The following ROS1 variants were observed in gnomAD, a reference collection of about 807,000 sequenced individuals.
ROS1 encodes the protein ROS proto-oncogene 1, receptor tyrosine kinase, also known as proto-oncogene tyrosine-protein kinase ROS.
ROS1 carries 263 observed loss-of-function variants against 273.5 expected under a neutral mutation model. That is an observed-to-expected ratio of 0.96 (90% CI 0.87 to 1.06). ROS1 has a LOEUF of 1.06. ROS1 is among the 50% of genes least tolerant of loss of function. The pLI is 0.00. For synonymous variants in ROS1, 1,008 were observed against 954.1 expected (o/e 1.06, Z -1.04); for missense variants, 2,833 against 2,751.1 (o/e 1.03, Z -0.67).
rs148214833 is a variant in ROS1 at position 117,385,859 on chromosome 6, T to C, written c.2113A>G (p.Met705Val). 8.9e-5 allele frequency: 143 copies of C among 1,613,350 alleles called. No homozygotes were observed. In the African/African-American group the frequency reaches 1.8e-3, roughly 21 times the overall value. Residue 705 changes from methionine to valine, a missense_variant and splice_region_variant, in exon 16 of 44, where the codon ATG (methionine) becomes GTG (valine). Coordinates refer to ENST00000368507, the MANE Select transcript of ROS1 (RefSeq NM_001378902.1). ...TAGAGGCTGTTGTTATACCAATCCA[T>C]GTCTCAAAATAAAGTGAATGATTAG... ...LSSDIGNVSD[M>V]DWYNNSLYYS...
chr6:117,392,137 T>C (rs1023854356), intron 12 of ROS1, among the ~76,000 whole-genome samples: 1 of 152,198 alleles, frequency 6.6e-6, no homozygotes, highest in Non-Finnish European at 1.5e-5. Flanking sequence ...CGTAGACCTT[T>C]ACACATGAAA....
At position 117,349,073 on chromosome 6, in the gene ROS1, T is replaced by G. The variant is rs186790169; in HGVS notation, c.4303+3917A>C. 2.8e-3 allele frequency among the ~76,000 whole-genome samples: 424 copies of G among 152,118 alleles called. 1 individual carries two copies. Among genetic ancestry groups the G allele is most frequent in the African/African-American group, 9.7e-3 (405 of 41,558 alleles). On this transcript the variant is annotated intron_variant, in intron 27 of 43. Transcript: ENST00000368507. Reference sequence around the variant, plus strand: ...TGTTGGAAAAATTATTAATAGTAGATAGATGTCCATTACAGCCAATTAATT... The same window carrying G: ...TGTTGGAAAAATTATTAATAGTAGAGAGATGTCCATTACAGCCAATTAATT...
Position 117,342,444 on chromosome 6 carries a change from T to C in ROS1, c.4607A>G (p.His1536Arg). The part of the protein sequence containing the change: ...VKNYYSDPLE[H>R]LPPGKEIWGK... ...CCAAATCTCTTTTCCTGGTGGTAAA[T>C]GTTCCAAAGGATCTGAATAATAATT... The change falls in exon 29 of 44, where the codon CAT becomes CGT. Residue 1536 changes from histidine to arginine, a missense_variant. By Grantham distance (29) the His-to-Arg change is conservative. Coordinates refer to ENST00000368507, the MANE Select transcript of ROS1 (RefSeq NM_001378902.1). The C allele has an allele frequency of 6.2e-7, 1 of 1,611,898 alleles. No homozygotes were observed. Among genetic ancestry groups the C allele is most frequent in the Non-Finnish European group, 8.5e-7 (1 of 1,178,926 alleles).
chr6:117,351,914 A>C lies in ROS1; in HGVS notation c.4303+1076T>G, dbSNP rs1003977368. On this transcript the variant is annotated intron_variant, in intron 27 of 43. Coordinates refer to ENST00000368507, the MANE Select transcript of ROS1 (RefSeq NM_001378902.1). The stretch of plus-strand genomic sequence containing the variant: ...AAAGTAGGCTTTATTTATAAATTTT[A>C]ACATTTTTCAATTTACATATTTTAT... Among the ~76,000 whole-genome samples, 17 of 152,364 alleles carry C rather than the reference A, an allele frequency of 1.1e-4. 1 individual carries two copies. The highest frequency in any genetic ancestry group is 4.1e-4 in the African/African-American group (17 of 41,596).
intron 33 of ROS1, among the ~76,000 whole-genome samples, chr6:117,326,782 CT>C (rs1318771732): frequency 6.6e-6 from 1 of 152,110 alleles, no homozygotes; most frequent in Non-Finnish European, 1.5e-5. Flanking sequence ...AATTTTCAGT[CT>C]TTTACATTAT....
At chr6:117,354,334 C>A (rs1213252761) in intron 26 of ROS1, among the ~76,000 whole-genome samples, 1 of 150,654 alleles carries the variant, frequency 6.6e-6, no homozygotes, top group South Asian at 2.1e-4. Flanking sequence ...GCCTGGGCAA[C>A]AGAGTGAGAC....
rs1462986074 is a variant in ROS1, at chr6:117,394,147, A to G, written c.1191+15T>C. ...CACTGTCTATCACTATTCCTCTTTAACTTCTCGGACTAACCAGTTCATCCA... is the reference window on the plus strand; with the variant it reads ...CACTGTCTATCACTATTCCTCTTTAGCTTCTCGGACTAACCAGTTCATCCA... On this transcript the variant is annotated intron_variant, in intron 11 of 43. Coordinates refer to ENST00000368507, the MANE Select transcript of ROS1 (RefSeq NM_001378902.1). 1.9e-6 allele frequency: 3 copies of G among 1,539,870 alleles called. No individual in the cohort carries two copies. Among genetic ancestry groups the G allele is most frequent in the Non-Finnish European group, 2.6e-6 (3 of 1,137,404 alleles).
intron 33 of ROS1, chr6:117,328,833 T>C (rs1404760237): frequency 6.5e-6 from 4 of 613,092 alleles, no homozygotes; most frequent in Non-Finnish European, 1.3e-5. Context: ...CATTGCAAAC[T>C]GTAATCTTCC....
chr6:117,321,235 A>C (rs765083719), intron 36 of ROS1, 24 bp downstream of exon 36: 2 of 1,607,012 alleles, frequency 1.2e-6, no homozygotes, highest in Non-Finnish European at 1.7e-6. Flanking sequence ...TAGGTGCTCC[A>C]TAATGATGGC....
chr6:117,329,194 T>G, intron 33 of ROS1, 135 bp downstream of exon 33: 1 of 619,770 alleles, frequency 1.6e-6, no homozygotes, highest in Non-Finnish European at 2.9e-6. Context: ...AACGTAATGA[T>G]GCATGTGAGT....
At chr6:117,416,517 T>A (rs1365375767) in intron 2 of ROS1, among the ~76,000 whole-genome samples, 200 bp from the exon 3 acceptor site, 1 of 152,202 alleles carries the variant, frequency 6.6e-6, no homozygotes, top group Non-Finnish European at 1.5e-5. Context: ...AGAACAAGTC[T>A]TGTGGCTCAC....
At chr6:117,295,227 T>C (rs1774136734) in intron 43 of ROS1, among the ~76,000 whole-genome samples, 1 of 152,070 alleles carries the variant, frequency 6.6e-6, no homozygotes, top group South Asian at 2.1e-4. Context: ...GCCAAGAACA[T>C]CTACTGGGGA....
At chr6:117,298,633 A>G (rs1255600132) in intron 43 of ROS1, among the ~76,000 whole-genome samples, 2 of 152,182 alleles carry the variant, frequency 1.3e-5, no homozygotes, top group African/African-American at 4.8e-5. Context: ...TGACACCAAT[A>G]TTTCCTATGG....
chr6:117,371,567 T>A (rs182817149), intron 18 of ROS1, among the ~76,000 whole-genome samples: 4 of 152,312 alleles, frequency 2.6e-5, no homozygotes, highest in East Asian at 3.9e-4. Context: ...TACAGTTTCC[T>A]GGACAGAACC....
chr6:117,412,437 GT>G (rs1185581101), intron 4 of ROS1, among the ~76,000 whole-genome samples: 1 of 152,090 alleles, frequency 6.6e-6, no homozygotes, highest in Non-Finnish European at 1.5e-5. Context: ...CATTTTCCAA[GT>G]TCTATTTCAC....
rs749638466 is a variant in ROS1 at position 117,359,794 on chromosome 6, T to C, written c.3633+15A>G. 6.2e-7 allele frequency: 1 copy of C among 1,605,858 alleles called. No homozygotes were observed. ...TTCACTTCCTTTATTTCGGAAGAAT[T>C]ACATAGTGAAATACCTCAGAGCTAG... On this transcript the variant is annotated intron_variant, in intron 24 of 43. Coordinates refer to ENST00000368507, the MANE Select transcript of ROS1 (RefSeq NM_001378902.1).
At chr6:117,323,684 G>A (rs1776439340) in intron 35 of ROS1, among the ~76,000 whole-genome samples, 1 of 152,014 alleles carries the variant, frequency 6.6e-6, no homozygotes, top group Non-Finnish European at 1.5e-5. Context: ...TTCCCTTTGA[G>A]GTTTTTACTG....
intron 34 of ROS1, 118 bp downstream of exon 34, chr6:117,326,106 T>C (rs1333673901): frequency 2.3e-5 from 5 of 219,086 alleles, no homozygotes; most frequent in Non-Finnish European, 4.1e-5. Flanking sequence ...TATATATATA[T>C]ATATATATAT....
intron 7 of ROS1, among the ~76,000 whole-genome samples, chr6:117,399,359 G>A (rs1027346302): frequency 2.0e-5 from 3 of 152,206 alleles, no homozygotes; most frequent in Non-Finnish European, 4.4e-5. Context: ...GGAAAATTTC[G>A]AACATGGTCC....
Sources: allele counts gnomAD v4.1 joint callset (sites outside exome capture counted in the v4.1 genomes callset), GRCh38; gene constraint gnomAD v4.1.1; transcripts MANE v1.5; gene names NCBI Gene and HGNC (gene_info 2026-07-23, HGNC 2026-07-21).